The following KCNH7 variants were observed in gnomAD, a reference collection of about 807,000 sequenced individuals.
KCNH7 encodes potassium voltage-gated channel subfamily H member 7.
A neutral mutation model predicts 120.8 loss-of-function variants in KCNH7; 49 were observed. That is an observed-to-expected ratio of 0.41 (90% CI 0.32 to 0.51). The LOEUF is 0.51. Among genes scored for constraint, KCNH7 ranks in the 20% least tolerant of loss-of-function variants. KCNH7 has a pLI of 0.38. For synonymous variants in KCNH7, 547 were observed against 516.1 expected (o/e 1.06, Z -0.81); for missense variants, 1,097 against 1,446.6 (o/e 0.76, Z 3.92).
intron 2 of KCNH7, among the ~76,000 whole-genome samples, chr2:162,749,926 G>T (rs1326147435): frequency 1.3e-5 from 2 of 152,148 alleles, no homozygotes; most frequent in Non-Finnish European, 2.9e-5. Context: ...ATAGAAATAG[G>T]TAAATCTTTT....
rs539432746 is a variant in KCNH7 at position 162,589,277 on chromosome 2, AC to A, written c.308-52198del. On this transcript the variant is annotated intron_variant, in intron 2 of 15. Transcript: ENST00000332142. ...GTCTAGAAAGCTGTCCTCACTATTT[AC>A]TGAACAAAACCCCACTTCTGTAGAA... 3.3e-5 allele frequency among the ~76,000 whole-genome samples: 5 copies of A among 152,122 alleles called. No homozygotes were observed. In the South Asian group the frequency reaches 1.0e-3, roughly 32 times the overall value.
intron 2 of KCNH7, among the ~76,000 whole-genome samples, chr2:162,704,368 C>G (rs1274048862): frequency 6.6e-6 from 1 of 152,076 alleles, no homozygotes; most frequent in Non-Finnish European, 1.5e-5. Context: ...ATTAGAGAAG[C>G]AATTCAATTA....
At chr2:162,731,597 C>A (rs1687733120) in intron 2 of KCNH7, among the ~76,000 whole-genome samples, 1 of 151,676 alleles carries the variant, frequency 6.6e-6, no homozygotes, top group African/African-American at 2.4e-5. Context: ...TTTTATAAAA[C>A]AAGCAATATG....
chr2:162,640,026 C>T (rs185878753), intron 2 of KCNH7, among the ~76,000 whole-genome samples: 1 of 152,164 alleles, frequency 6.6e-6, no homozygotes, highest in East Asian at 1.9e-4. Flanking sequence ...AGAAACTACA[C>T]GATGCTGATT....
At chr2:162,596,510 A>G (rs73026680) in intron 2 of KCNH7, among the ~76,000 whole-genome samples, 9,352 of 152,048 alleles carry the variant, frequency 0.062, 557 homozygotes, top group East Asian at 0.18. Context: ...TACATGCACA[A>G]TAATGAAATT....
chr2:162,739,912 G>A (rs1387306790), intron 2 of KCNH7, among the ~76,000 whole-genome samples: 3 of 149,522 alleles, frequency 2.0e-5, no homozygotes, highest in Non-Finnish European at 4.4e-5. Context: ...TTGAGTCCAA[G>A]TTATTACTCA....
chr2:162,694,556 C>T (rs1686223383), intron 2 of KCNH7, among the ~76,000 whole-genome samples: 1 of 151,802 alleles, frequency 6.6e-6, no homozygotes, highest in African/African-American at 2.4e-5. Context: ...GCCCCTCACT[C>T]AGAAATCTGA....
At chr2:162,437,792 C>T (rs1190216021) in intron 7 of KCNH7, among the ~76,000 whole-genome samples, 1 of 152,082 alleles carries the variant, frequency 6.6e-6, no homozygotes, top group African/African-American at 2.4e-5. Flanking sequence ...GTTGAAAGAG[C>T]TTCCACCCTT....
At chr2:162,403,883 G>A (rs1156713194) in intron 9 of KCNH7, among the ~76,000 whole-genome samples, 3 of 151,954 alleles carry the variant, frequency 2.0e-5, no homozygotes, top group Admixed American at 2.0e-4. Flanking sequence ...AGTTAAGAGT[G>A]GGAGCTATAG....
chr2:162,519,728 C>T (rs776707015), intron 3 of KCNH7, among the ~76,000 whole-genome samples: 2 of 151,810 alleles, frequency 1.3e-5, no homozygotes, highest in Non-Finnish European at 2.9e-5. Context: ...TCTAGGTCCA[C>T]ATTATCCATG....
At chr2:162,409,349 A>T (rs1276151908) in intron 9 of KCNH7, among the ~76,000 whole-genome samples, 1 of 151,946 alleles carries the variant, frequency 6.6e-6, no homozygotes, top group Non-Finnish European at 1.5e-5. Flanking sequence ...TCTTGATAAA[A>T]TGGAAATTAT....
intron 2 of KCNH7, among the ~76,000 whole-genome samples, chr2:162,595,741 AC>A (rs1454750653): frequency 6.6e-6 from 1 of 152,068 alleles, no homozygotes; most frequent in Non-Finnish European, 1.5e-5. Flanking sequence ...AAAAAGAAAT[AC>A]AAGGCATCCA....
Position 162,380,226 on chromosome 2 carries a change from C to T in KCNH7, c.2963-205G>A, listed in dbSNP as rs578079140. Among the ~76,000 whole-genome samples, 67 of 152,250 alleles carry T rather than the reference C, an allele frequency of 4.4e-4. 1 individual carries two copies. Among genetic ancestry groups the T allele is most frequent in the African/African-American group, 1.6e-3 (66 of 41,558 alleles). ...CCCTGCTGGCCCTACCTCCCATATC[C>T]GTTTCCATGTGAACAAAAACATGTA... On this transcript the variant is annotated intron_variant, in intron 13 of 15. Coordinates refer to ENST00000332142, the MANE Select transcript of KCNH7 (RefSeq NM_033272.4).
chr2:162,762,344 A>G (rs543719273), intron 2 of KCNH7, among the ~76,000 whole-genome samples: 3 of 151,542 alleles, frequency 2.0e-5, no homozygotes, highest in Admixed American at 6.6e-5. Flanking sequence ...GTCAGCAAAT[A>G]ACTTGAGCTA....
At chr2:162,373,095 C>T (rs1206727641) in intron 15 of KCNH7, among the ~76,000 whole-genome samples, 3 of 152,098 alleles carry the variant, frequency 2.0e-5, no homozygotes, top group East Asian at 1.9e-4. Flanking sequence ...TTCTTTGAAG[C>T]TCTTTTGGGA....
chr2:162,707,066 C>T (rs532182902), intron 2 of KCNH7, among the ~76,000 whole-genome samples: 1 of 151,974 alleles, frequency 6.6e-6, no homozygotes, highest in South Asian at 2.1e-4. Flanking sequence ...ATTTTTTTGC[C>T]TCAAGAGATT....
intron 2 of KCNH7, among the ~76,000 whole-genome samples, chr2:162,635,196 A>T (rs1411769659): frequency 2.0e-5 from 3 of 152,094 alleles, no homozygotes; most frequent in Admixed American, 2.0e-4. Context: ...TTATAATTTC[A>T]ATTCTCAGCA....
intron 5 of KCNH7, among the ~76,000 whole-genome samples, chr2:162,508,052 G>A (rs1422081942): frequency 6.6e-6 from 1 of 151,462 alleles, no homozygotes; most frequent in Admixed American, 6.6e-5. Flanking sequence ...ATTGTAAACT[G>A]TTTTTCTTTT....
intron 2 of KCNH7, among the ~76,000 whole-genome samples, chr2:162,646,638 TAAG>T (rs1684368492): frequency 1.3e-5 from 2 of 152,274 alleles, no homozygotes; most frequent in African/African-American, 2.4e-5. Flanking sequence ...ATTCAAACTC[TAAG>T]AAGGACTTGA....
Sources: allele counts gnomAD v4.1 joint callset (sites outside exome capture counted in the v4.1 genomes callset), GRCh38; gene constraint gnomAD v4.1.1; transcripts MANE v1.5; gene names NCBI Gene and HGNC (gene_info 2026-07-23, HGNC 2026-07-21).